Variants in ARHGDIB observed in about 807,000 individuals in gnomAD.
The protein encoded by ARHGDIB is rho GDP-dissociation inhibitor 2.
A neutral mutation model predicts 22.6 loss-of-function variants in ARHGDIB; 20 were observed. The ratio of observed to expected loss-of-function variants is 0.88; its 90% CI spans 0.62 to 1.28. The LOEUF (loss-of-function observed/expected upper bound fraction) is 1.28. ARHGDIB is among the 50% of genes most tolerant of loss of function. The pLI is 0.00. For synonymous variants in ARHGDIB, 114 were observed against 96.1 expected (o/e 1.19, Z -1.09); for missense variants, 254 against 245.4 (o/e 1.04, Z -0.23).
Position 14,950,670 on chromosome 12 carries a change from C to T in ARHGDIB, c.43G>A (p.Asp15Asn), listed in dbSNP as rs149654565. 4.1e-5 allele frequency: 66 copies of T among 1,613,524 alleles called. 1 individual carries two copies. In the Middle Eastern group the frequency reaches 4.9e-4, roughly 12 times the overall value. Residue 15 changes from aspartate to asparagine, a missense_variant, in exon 2 of 6, where the codon GAT becomes AAT. Physicochemically the swap from Asp to Asn is conservative, Grantham distance 23 (BLOSUM62 1). Coordinates refer to ENST00000228945, the MANE Select transcript of ARHGDIB (RefSeq NM_001175.7). ...APEPHVEEDD[D>N]DELDSKLNYK... is the part of the protein sequence containing the mutation. ...TTGAGCTTGCTGTCCAGCTCATCAT[C>T]GTCATCCTCCTCCACATGTGGCTCT...
At chr12:14,950,131 C>T (rs1249545455) in intron 2 of ARHGDIB, among the ~76,000 whole-genome samples, 1 of 152,094 alleles carries the variant, frequency 6.6e-6, no homozygotes, top group Non-Finnish European at 1.5e-5. Flanking sequence ...TCCTGAATGG[C>T]TATGGGTCAG....
At chr12:14,942,866 A>C in intron 5 of ARHGDIB, 145 bp from the exon 6 acceptor site, 1 of 697,178 alleles carries the variant, frequency 1.4e-6, no homozygotes, top group Non-Finnish European at 2.3e-6. Context: ...GATTTACCTG[A>C]GGCATCTTTT....
chr12:14,950,008 G>C, intron 2 of ARHGDIB, 123 bp from the exon 3 acceptor site: 1 of 894,854 alleles, frequency 1.1e-6, no homozygotes, highest in Non-Finnish European at 1.7e-6. Context: ...AGTAGAAATA[G>C]AAATGGATGT....
At chr12:14,952,608 G>C (rs775656840) in intron 1 of ARHGDIB, among the ~76,000 whole-genome samples, 1 of 152,222 alleles carries the variant, frequency 6.6e-6, no homozygotes, top group African/African-American at 2.4e-5. Context: ...GCAGCGTGTA[G>C]ATGTTGTAGG....
chr12:14,954,015 G>A (rs1256611082), intron 1 of ARHGDIB, among the ~76,000 whole-genome samples: 1 of 147,038 alleles, frequency 6.8e-6, no homozygotes, highest in African/African-American at 2.5e-5. Flanking sequence ...GTTTTACTCT[G>A]TCACCCAGGC....
intron 1 of ARHGDIB, among the ~76,000 whole-genome samples, chr12:14,959,460 C>G (rs1864367692): frequency 6.6e-6 from 1 of 152,210 alleles, no homozygotes; most frequent in South Asian, 2.1e-4. Flanking sequence ...TTATTGAACA[C>G]TTCTGCATTC....
intron 1 of ARHGDIB, among the ~76,000 whole-genome samples, chr12:14,959,311 G>A (rs942355707): frequency 6.6e-6 from 1 of 152,120 alleles, no homozygotes; most frequent in Non-Finnish European, 1.5e-5. Context: ...CCAGCTACTC[G>A]GGAGGTTGAG....
intron 3 of ARHGDIB, 103 bp downstream of exon 3, chr12:14,949,699 T>A: frequency 1.0e-6 from 1 of 997,370 alleles, no homozygotes; most frequent in Non-Finnish European, 1.6e-6. Context: ...CATATATATC[T>A]CTCTGATTCA....
At chr12:14,951,648 C>A (rs752691586) in intron 1 of ARHGDIB, among the ~76,000 whole-genome samples, 3 of 150,610 alleles carry the variant, frequency 2.0e-5, no homozygotes, top group African/African-American at 7.3e-5. Flanking sequence ...CCTGGGCATA[C>A]CCTGGAGTCT....
At chr12:14,948,033 G>C (rs1448569204) in intron 3 of ARHGDIB, 84 bp from the exon 4 acceptor site, 2 of 1,142,150 alleles carry the variant, frequency 1.8e-6, no homozygotes, top group Non-Finnish European at 2.6e-6. Context: ...GGAAAAATTT[G>C]TTGGGCCCAC....
rs201399144 is a variant in ARHGDIB at position 14,950,655 on chromosome 12, T to C, written c.58A>G (p.Ser20Gly). The C allele has an allele frequency of 8.1e-6, 13 of 1,613,996 alleles. No individual in the cohort carries two copies. The Admixed American group carries it at 1.8e-4, about 23-fold the overall frequency. ...VEEDDDDELD[S>G]KLNYKPPPQK... is the part of the protein sequence containing the mutation. ...GGTGGAGGCTTATAATTGAGCTTGCTGTCCAGCTCATCATCGTCATCCTCC... is the reference window on the plus strand; with the variant it reads ...GGTGGAGGCTTATAATTGAGCTTGCCGTCCAGCTCATCATCGTCATCCTCC... The change falls in exon 2 of 6, where the codon AGC becomes GGC. Residue 20 changes from serine to glycine, a missense_variant. By Grantham distance (56) the Ser-to-Gly change is moderately conservative (BLOSUM62 0). Transcript: ENST00000228945.
chr12:14,960,251 T>C (rs1190052870), intron 1 of ARHGDIB, among the ~76,000 whole-genome samples: 3 of 152,200 alleles, frequency 2.0e-5, no homozygotes, highest in Admixed American at 2.0e-4. Flanking sequence ...GTCTAGAGTT[T>C]AATTACAGAT....
chr12:14,956,866 G>T (rs1379035494), intron 1 of ARHGDIB, among the ~76,000 whole-genome samples: 1 of 152,152 alleles, frequency 6.6e-6, no homozygotes, highest in African/African-American at 2.4e-5. Context: ...AATTAGGATG[G>T]TTACTCACAG....
At chr12:14,949,925 A>C in intron 2 of ARHGDIB, 40 bp from the exon 3 acceptor site, 1 of 1,567,036 alleles carries the variant, frequency 6.4e-7, no homozygotes, top group Non-Finnish European at 8.8e-7. Context: ...AAGAAGAGAC[A>C]TGTGTATAGT....
intron 4 of ARHGDIB, among the ~76,000 whole-genome samples, chr12:14,945,057 C>T (rs565977208): frequency 2.6e-5 from 4 of 152,246 alleles, no homozygotes; most frequent in East Asian, 1.9e-4. Context: ...GTTTAATTAT[C>T]GAACATTTTG....
chr12:14,942,810 G>A, intron 5 of ARHGDIB, 89 bp from the exon 6 acceptor site: 1 of 1,135,146 alleles, frequency 8.8e-7, no homozygotes, highest in Non-Finnish European at 1.3e-6. Flanking sequence ...ACAGCCTACA[G>A]TGATTAAAGT....
In ARHGDIB at chr12:14,942,616, G is replaced by A. The variant is rs751901004; in HGVS notation, c.512C>T (p.Thr171Met). The part of the protein sequence containing the change: ...EAPKGMLARG[T>M]YHNKSFFTDD... Reference sequence around the variant, plus strand: ...GGTGAAGAAGGACTTGTTGTGGTACGTGCCTCGCGCCAGCATGCCCTTGGG... The same window carrying A: ...GGTGAAGAAGGACTTGTTGTGGTACATGCCTCGCGCCAGCATGCCCTTGGG... Residue 171 changes from threonine to methionine, a missense_variant, in exon 6 of 6, where the codon ACG becomes ATG. Thr to Met is a moderately conservative substitution (Grantham distance 81). Coordinates refer to ENST00000228945, the MANE Select transcript of ARHGDIB (RefSeq NM_001175.7). The A allele has an allele frequency of 3.7e-6, 6 of 1,614,148 alleles. No individual in the cohort carries two copies. The highest frequency in any genetic ancestry group is 2.2e-5 in the South Asian group (2 of 91,086).
intron 1 of ARHGDIB, among the ~76,000 whole-genome samples, chr12:14,960,506 A>G (rs752111390): frequency 3.3e-5 from 5 of 152,076 alleles, no homozygotes; most frequent in Non-Finnish European, 5.9e-5. Flanking sequence ...ATCATTATTA[A>G]TATTTTTATT....
intron 5 of ARHGDIB, among the ~76,000 whole-genome samples, chr12:14,943,057 G>A (rs977050119): frequency 2.0e-5 from 3 of 151,964 alleles, no homozygotes; most frequent in South Asian, 4.1e-4. Flanking sequence ...TAGTAGAGAC[G>A]GGGTTTCTCC....
Sources: gnomAD v4.1 joint callset for allele counts (sites outside exome capture counted in the v4.1 genomes callset) on GRCh38, gnomAD v4.1.1 for gene constraint, MANE v1.5 for transcripts, NCBI Gene and HGNC (gene_info 2026-07-23, HGNC 2026-07-21) for gene names.